GALNTL6: variants seen among roughly 807,000 people sequenced by gnomAD.
GALNTL6 encodes the protein polypeptide N-acetylgalactosaminyltransferase like 6, also known as polypeptide N-acetylgalactosaminyltransferase-like 6.
GALNTL6 carries 46 observed loss-of-function variants against 73.7 expected under a neutral mutation model. The ratio of observed to expected loss-of-function variants is 0.62; its 90% CI spans 0.49 to 0.80. GALNTL6 has a LOEUF of 0.80. Ranked by LOEUF, GALNTL6 falls within the 30% of genes least tolerant of loss-of-function variation. The pLI, the probability that GALNTL6 is intolerant of heterozygous loss-of-function variation, is 0.00. For missense variants in GALNTL6, 604 were observed against 755.0 expected, an observed-to-expected ratio of 0.80 and a Z score of 2.34; for synonymous variants, 259 against 263.7, an observed-to-expected ratio of 0.98 and a Z score of 0.17.
chr4:172,784,344 C>T (rs1043811123), intron 5 of GALNTL6, among the ~76,000 whole-genome samples: 7 of 151,946 alleles, frequency 4.6e-5, no homozygotes, highest in South Asian at 2.1e-4. Context: ...AATATCAAAA[C>T]AATAATAATT....
At chr4:172,380,408 G>T (rs746718282) in intron 5 of GALNTL6, 105 of 606,232 alleles carry the variant, frequency 1.7e-4, no homozygotes, top group Non-Finnish European at 2.8e-4. Flanking sequence ...GCTCTCATAT[G>T]GTTCTGCTTT....
At chr4:172,567,412 A>G (rs937774590) in intron 5 of GALNTL6, among the ~76,000 whole-genome samples, 7 of 152,174 alleles carry the variant, frequency 4.6e-5, no homozygotes, top group Admixed American at 2.0e-4. Context: ...TTGATCCAGA[A>G]TATGTAAAAT....
intron 5 of GALNTL6, among the ~76,000 whole-genome samples, chr4:172,685,555 C>T (rs1732868353): frequency 6.6e-6 from 1 of 152,156 alleles, no homozygotes; most frequent in Non-Finnish European, 1.5e-5. Context: ...CTGTACTTTG[C>T]AAAATGGCTC....
chr4:172,479,120 C>G (rs1410814535), intron 5 of GALNTL6, among the ~76,000 whole-genome samples: 1 of 152,100 alleles, frequency 6.6e-6, no homozygotes, highest in Non-Finnish European at 1.5e-5. Context: ...TCTCAAAGAA[C>G]TAAAAGTAGC....
intron 2 of GALNTL6, among the ~76,000 whole-genome samples, chr4:172,185,894 C>A (rs910643263): frequency 6.6e-6 from 1 of 152,084 alleles, no homozygotes; most frequent in Non-Finnish European, 1.5e-5. Flanking sequence ...ACAGAAATAT[C>A]TCAACTATGC....
chr4:171,990,850 T>C (rs373874191), intron 2 of GALNTL6, among the ~76,000 whole-genome samples: 15 of 152,314 alleles, frequency 9.8e-5, no homozygotes, highest in African/African-American at 3.1e-4. Context: ...AATATTGTTT[T>C]AAATGTTGCT....
chr4:172,965,611 T>A (rs1190103343), intron 10 of GALNTL6, among the ~76,000 whole-genome samples: 52 of 144,842 alleles, frequency 3.6e-4, no homozygotes, highest in Non-Finnish European at 8.0e-4. Context: ...AAATTAAAAG[T>A]AAAAATTAAA....
chr4:172,365,521 A>G (rs868584325), intron 5 of GALNTL6, among the ~76,000 whole-genome samples: 7 of 152,088 alleles, frequency 4.6e-5, no homozygotes, highest in African/African-American at 1.7e-4. Flanking sequence ...AATAATTAAT[A>G]TTTGCTAAAG....
chr4:172,667,369 T>G (rs777162295), intron 5 of GALNTL6: 1 of 152,266 alleles, frequency 6.6e-6, no homozygotes, highest in Non-Finnish European at 1.5e-5. Context: ...TTTCTACTGC[T>G]ACTGTCATAA....
chr4:172,644,956 G>A (rs1159594440), intron 5 of GALNTL6, among the ~76,000 whole-genome samples: 1 of 151,926 alleles, frequency 6.6e-6, no homozygotes, highest in African/African-American at 2.4e-5. Context: ...TAATGATATT[G>A]AACAACTTTT....
chr4:172,087,902 AG>A (rs1445609592), intron 2 of GALNTL6, among the ~76,000 whole-genome samples: 14 of 152,180 alleles, frequency 9.2e-5, no homozygotes, highest in Admixed American at 2.0e-4. Flanking sequence ...AATTAGCCAT[AG>A]TTAAAACATA....
intron 2 of GALNTL6, among the ~76,000 whole-genome samples, chr4:171,951,193 C>A (rs1282735354): frequency 2.6e-5 from 4 of 151,550 alleles, no homozygotes; most frequent in Admixed American, 6.6e-5. Context: ...AAAGAAGTTG[C>A]TAAAAAAATA....
intron 2 of GALNTL6, among the ~76,000 whole-genome samples, chr4:171,862,721 CTG>C (rs1192580030): frequency 1.3e-5 from 2 of 151,898 alleles, no homozygotes; most frequent in South Asian, 4.1e-4. Context: ...TTTAGTAAGA[CTG>C]AATATTTTCC....
intron 5 of GALNTL6, among the ~76,000 whole-genome samples, chr4:172,778,695 G>A (rs937562810): frequency 2.0e-5 from 3 of 152,162 alleles, no homozygotes; most frequent in Admixed American, 1.3e-4. Flanking sequence ...TAAAAATATA[G>A]AGGGAAGTCA....
rs555518978 is a variant in GALNTL6 at position 172,737,451 on chromosome 4, A to G, written c.554-71910A>G. 3.3e-5 allele frequency among the ~76,000 whole-genome samples: 5 copies of G among 152,228 alleles called. No individual in the cohort carries two copies. In the East Asian group the frequency reaches 9.7e-4, roughly 29 times the overall value. ...CTCAGCCAATATATTTCATAGTTGCAAGATTTCTGTTTGTCTTTTTATTAT... is the reference window on the plus strand; with the variant it reads ...CTCAGCCAATATATTTCATAGTTGCGAGATTTCTGTTTGTCTTTTTATTAT... On this transcript the variant is annotated intron_variant, in intron 5 of 12. Coordinates refer to ENST00000506823, the MANE Select transcript of GALNTL6 (RefSeq NM_001034845.3).
At chr4:171,852,594 A>C (rs1321014452) in intron 2 of GALNTL6, among the ~76,000 whole-genome samples, 1 of 151,980 alleles carries the variant, frequency 6.6e-6, no homozygotes, top group Non-Finnish European at 1.5e-5. Flanking sequence ...TTTAGAAAAG[A>C]GGCACTGTAA....
intron 5 of GALNTL6, among the ~76,000 whole-genome samples, chr4:172,378,163 A>T (rs1040303831): frequency 1.3e-5 from 2 of 152,280 alleles, no homozygotes; most frequent in South Asian, 4.1e-4. Context: ...CTGCTATATG[A>T]TATTCTGATA....
At chr4:172,928,555 T>A (rs550507321) in intron 8 of GALNTL6, among the ~76,000 whole-genome samples, 4 of 152,332 alleles carry the variant, frequency 2.6e-5, no homozygotes, top group South Asian at 4.1e-4. Context: ...TGCTGCAGAT[T>A]TCAACACATC....
At chr4:172,704,251 G>A (rs562182335) in intron 5 of GALNTL6, among the ~76,000 whole-genome samples, 205 of 151,604 alleles carry the variant, frequency 1.4e-3, no homozygotes, top group African/African-American at 4.6e-3. Context: ...GCTTATGCTC[G>A]TTTTTCTAGT....
Sources: gnomAD v4.1 joint callset for allele counts (sites outside exome capture counted in the v4.1 genomes callset) on GRCh38, gnomAD v4.1.1 for gene constraint, MANE v1.5 for transcripts, NCBI Gene and HGNC (gene_info 2026-07-23, HGNC 2026-07-21) for gene names.